Variants in SLC35B4 observed in about 807,000 individuals in gnomAD.
The protein encoded by SLC35B4 is nucleotide sugar transporter SLC35B4.
In SLC35B4, 28 loss-of-function variants were observed where a neutral mutation model predicts 39.5. The ratio of observed to expected loss-of-function variants is 0.71; its 90% CI spans 0.53 to 0.97. The LOEUF is 0.97. SLC35B4 is among the 50% of genes least tolerant of loss of function. SLC35B4 has a pLI of 0.00. For missense variants in SLC35B4, 334 were observed against 414.3 expected, an observed-to-expected ratio of 0.81 and a Z score of 1.68; for synonymous variants, 145 against 150.4, an observed-to-expected ratio of 0.96 and a Z score of 0.26.
At position 134,302,114 on chromosome 7, in the gene SLC35B4, C is replaced by CA. The variant is rs1301140790; in HGVS notation, c.345-5dup. 6.3e-7 allele frequency: 1 copy of CA among 1,592,254 alleles called. No homozygotes were observed. Among genetic ancestry groups the CA allele is most frequent in the Non-Finnish European group, 8.5e-7 (1 of 1,172,810 alleles). Reference sequence around the variant, plus strand: ...GGTATATTTGAATATACTGTATCTGCAAAAAAGAAAAAAAAGAAGAAAAAC... The same window carrying CA: ...GGTATATTTGAATATACTGTATCTGCAAAAAAAGAAAAAAAAGAAGAAAAAC... On this transcript the variant is annotated splice_polypyrimidine_tract_variant and splice_region_variant and intron_variant, in intron 4 of 9. Transcript: ENST00000378509.
At chr7:134,295,140 C>A (rs922202795) in intron 9 of SLC35B4, 61 bp from the exon 10 acceptor site, 16 of 1,579,934 alleles carry the variant, frequency 1.0e-5, no homozygotes, top group Non-Finnish European at 1.4e-5. Context: ...AGTGAGAGAA[C>A]CTTCTGGCAT....
At chr7:134,306,127 C>A (rs1227014400) in intron 3 of SLC35B4, among the ~76,000 whole-genome samples, 4 of 152,010 alleles carry the variant, frequency 2.6e-5, no homozygotes. Context: ...AGGAACAGTA[C>A]AATCTCACAA....
intron 9 of SLC35B4, among the ~76,000 whole-genome samples, chr7:134,295,646 G>C (rs975382719): frequency 5.3e-5 from 8 of 151,982 alleles, no homozygotes; most frequent in African/African-American, 1.7e-4. Flanking sequence ...GAGTGCAGTG[G>C]AGTGATCAAG....
chr7:134,308,355 T>C (rs1458475046), intron 2 of SLC35B4, among the ~76,000 whole-genome samples: 1 of 151,864 alleles, frequency 6.6e-6, no homozygotes, highest in Non-Finnish European at 1.5e-5. Flanking sequence ...GTGGAGAGAA[T>C]GGGGAGAGAT....
intron 5 of SLC35B4, 76 bp downstream of exon 5, chr7:134,301,953 T>C: frequency 6.5e-7 from 1 of 1,531,704 alleles, no homozygotes; most frequent in South Asian, 1.2e-5. Flanking sequence ...ACATAAAAAT[T>C]TGAATTGTAT....
chr7:134,302,406 G>A (rs906531180), intron 4 of SLC35B4, among the ~76,000 whole-genome samples: 6 of 152,204 alleles, frequency 3.9e-5, no homozygotes, highest in African/African-American at 7.2e-5. Flanking sequence ...GTTGCATTCT[G>A]CTCTCAAGAG....
At chr7:134,299,840 C>T (rs960683610) in intron 7 of SLC35B4, among the ~76,000 whole-genome samples, 5 of 152,158 alleles carry the variant, frequency 3.3e-5, no homozygotes, top group African/African-American at 4.8e-5. Context: ...ACAAAGCAAA[C>T]AATGGAGCCA....
chr7:134,299,655 G>T, intron 7 of SLC35B4, 57 bp from the exon 8 acceptor site: 1 of 1,417,936 alleles, frequency 7.1e-7, no homozygotes, highest in South Asian at 1.2e-5. Flanking sequence ...AGAATAATTA[G>T]AGTAGCTTTA....
chr7:134,298,631 G>T (rs540012690), intron 8 of SLC35B4, among the ~76,000 whole-genome samples: 1 of 152,286 alleles, frequency 6.6e-6, no homozygotes, highest in East Asian at 1.9e-4. Context: ...ATGAAGAAAT[G>T]ATTATTTGAG....
At position 134,291,513 on chromosome 7, in the gene SLC35B4, GA is replaced by G. The variant is rs1210443774; in HGVS notation, c.*3319del. 6.6e-6 allele frequency: 1 copy of G among 152,212 alleles called. No individual in the cohort carries two copies. The allele number at this position is 152,212 out of a possible 1,614,324, so 9.4% of individuals were successfully genotyped here. A position where few individuals can be genotyped will look rare whatever the true frequency, so the allele number is the denominator to read the frequency against. On this transcript the variant is annotated 3_prime_UTR_variant, in exon 10 of 10. Coordinates refer to ENST00000378509, the MANE Select transcript of SLC35B4 (RefSeq NM_032826.5). The stretch of plus-strand genomic sequence containing the variant: ...AACAGAGGAAAGCTGCTCAGGAGAT[GA>G]CTGCGGGATATTTATTAGAATCCTT...
upstream of SLC35B4, among the ~76,000 whole-genome samples, chr7:134,318,699 C>A (rs1646743): frequency 0.47 from 71,561 of 151,894 alleles, 17,091 homozygotes; most frequent in Admixed American, 0.53. Context: ...ATATATGCCA[C>A]TAATTTGGAA....
In SLC35B4 at chr7:134,312,510, T is replaced by C. The variant is rs1327025056; in HGVS notation, c.78-3031A>G. 2.6e-5 allele frequency among the ~76,000 whole-genome samples: 4 copies of C among 152,124 alleles called. No individual in the cohort carries two copies. The South Asian group carries it at 6.2e-4, about 24-fold the overall frequency. Reference sequence around the variant, plus strand: ...GCCAGTGCCTTAGCAGGGATGGTGATGGGACAGACCATGTCCCATTTACCT... The same window carrying C: ...GCCAGTGCCTTAGCAGGGATGGTGACGGGACAGACCATGTCCCATTTACCT... On this transcript the variant is annotated intron_variant, in intron 1 of 9. Coordinates refer to ENST00000378509, the MANE Select transcript of SLC35B4 (RefSeq NM_032826.5).
At chr7:134,301,621 G>A in intron 6 of SLC35B4, 140 bp downstream of exon 6, 1 of 758,322 alleles carries the variant, frequency 1.3e-6, no homozygotes, top group African/African-American at 1.7e-5. Flanking sequence ...AAGGCTCAGA[G>A]AAATATGATC....
chr7:134,316,044 T>G (rs1803965755), intron 1 of SLC35B4, among the ~76,000 whole-genome samples: 2 of 152,084 alleles, frequency 1.3e-5, no homozygotes, highest in South Asian at 4.1e-4. Flanking sequence ...TCGGGTCACG[T>G]GGACTGATCT....
chr7:134,316,637 C>A, intron 1 of SLC35B4, 38 bp downstream of exon 1: 1 of 1,546,296 alleles, frequency 6.5e-7, no homozygotes, highest in Non-Finnish European at 8.7e-7. Context: ...CTCCGCCCCG[C>A]CCCGGGAGAC....
chr7:134,310,263 A>G (rs986684201), intron 1 of SLC35B4, among the ~76,000 whole-genome samples: 1 of 152,210 alleles, frequency 6.6e-6, no homozygotes, highest in Non-Finnish European at 1.5e-5. Flanking sequence ...AATTCAATAG[A>G]GTCTCTTTAG....
chr7:134,308,004 T>C (rs751173047), intron 2 of SLC35B4, among the ~76,000 whole-genome samples: 7 of 152,208 alleles, frequency 4.6e-5, no homozygotes, highest in Non-Finnish European at 8.8e-5. Context: ...GGTAATTAAT[T>C]TAACTATTCC....
At chr7:134,300,418 C>A (rs1355649815) in intron 6 of SLC35B4, among the ~76,000 whole-genome samples, 157 bp from the exon 7 acceptor site, 1 of 152,180 alleles carries the variant, frequency 6.6e-6, no homozygotes, top group Non-Finnish European at 1.5e-5. Flanking sequence ...TTATTACCAT[C>A]TAGTCCTTTA....
chr7:134,302,022 T>C lies in SLC35B4; in HGVS notation c.426+7A>G, dbSNP rs373229865. 4.3e-6 allele frequency: 7 copies of C among 1,612,774 alleles called. No homozygotes were observed. In the African/African-American group the frequency reaches 9.4e-5, roughly 22 times the overall value. On this transcript the variant is annotated splice_region_variant and intron_variant, in intron 5 of 9. Transcript: ENST00000378509. ...AGTGAACATAAAATAATTTGTGAGC[T>C]TCTTACCACCTGCTTTGCTGACATA... is the stretch of plus-strand genomic sequence containing the variant.
Sources: gnomAD v4.1 joint callset for allele counts (sites outside exome capture counted in the v4.1 genomes callset) on GRCh38, gnomAD v4.1.1 for gene constraint, MANE v1.5 for transcripts, NCBI Gene and HGNC (gene_info 2026-07-23, HGNC 2026-07-21) for gene names.